Variants in PCBP2 observed in about 807,000 individuals in gnomAD.
PCBP2 encodes the protein poly(rC) binding protein 2.
PCBP2 carries 4 observed loss-of-function variants against 50.1 expected under a neutral mutation model. The observed-to-expected ratio is 0.08, with a 90% CI of 0.04 to 0.18. The LOEUF is 0.18. Ranked by LOEUF, PCBP2 falls within the 10% of genes least tolerant of loss-of-function variation. The pLI, the probability that PCBP2 is intolerant of heterozygous loss-of-function variation, is 1.00. For synonymous variants in PCBP2, 179 were observed against 168.0 expected (o/e 1.07, Z -0.51); for missense variants, 161 against 474.3 (o/e 0.34, Z 6.14).
At chr12:53,476,179 C>G (rs1006531115) in intron 14 of PCBP2, 2 of 152,292 alleles carry the variant, frequency 1.3e-5, no homozygotes, top group Non-Finnish European at 2.9e-5. Flanking sequence ...CTCTGTCAAC[C>G]AAGTTTCTTT....
chr12:53,465,777 C>T (rs1405812734), intron 9 of PCBP2, among the ~76,000 whole-genome samples, 155 bp from the exon 10 acceptor site: 1 of 152,148 alleles, frequency 6.6e-6, no homozygotes, highest in Non-Finnish European at 1.5e-5. Flanking sequence ...TGGGTCTGAC[C>T]ATATTTGTGA....
intron 13 of PCBP2, among the ~76,000 whole-genome samples, chr12:53,469,528 C>A (rs1016139133): frequency 1.3e-4 from 20 of 151,722 alleles, no homozygotes; most frequent in African/African-American, 4.8e-4. Context: ...CGAGACCAGC[C>A]TGACTACCAT....
chr12:53,467,717 G>T, intron 11 of PCBP2, 88 bp from the exon 12 acceptor site: 2 of 1,051,292 alleles, frequency 1.9e-6, no homozygotes, highest in Admixed American at 2.2e-5. Flanking sequence ...ATTTTGTTTC[G>T]TTTTTGGGGC....
At chr12:53,472,009 G>T (rs558976010) in intron 14 of PCBP2, among the ~76,000 whole-genome samples, 1 of 149,488 alleles carries the variant, frequency 6.7e-6, no homozygotes, top group Non-Finnish European at 1.5e-5. Flanking sequence ...GTTGGTGGGG[G>T]GGGGAGCACA....
intron 11 of PCBP2, 115 bp from the exon 12 acceptor site, chr12:53,467,690 T>C: frequency 3.5e-6 from 3 of 859,948 alleles, no homozygotes; most frequent in Non-Finnish European, 5.8e-6. Context: ...GTTTTTTTTG[T>C]TTTTGTTTTT....
intron 5 of PCBP2, among the ~76,000 whole-genome samples, chr12:53,458,348 T>G (rs572007012): frequency 6.7e-6 from 1 of 149,380 alleles, no homozygotes; most frequent in African/African-American, 2.5e-5. Context: ...TTCTGTTCCC[T>G]AGGCTGGAGT....
intron 10 of PCBP2, among the ~76,000 whole-genome samples, chr12:53,466,649 T>C (rs1224085167): frequency 6.6e-6 from 1 of 152,188 alleles, no homozygotes; most frequent in Non-Finnish European, 1.5e-5. Context: ...GAGAGGGAAG[T>C]AGACGTGAAG....
intron 14 of PCBP2, chr12:53,475,565 TA>T (rs1400548049): frequency 5.7e-6 from 1 of 175,304 alleles, no homozygotes; most frequent in Non-Finnish European, 1.2e-5. Flanking sequence ...TTTTTTTTTT[TA>T]AGAATTATTT....
At chr12:53,468,499 C>T in intron 12 of PCBP2, 1 of 474,150 alleles carries the variant, frequency 2.1e-6, no homozygotes, top group South Asian at 2.5e-5. Context: ...ATACCACACT[C>T]CCTTGCCCTT....
intron 6 of PCBP2, chr12:53,460,226 A>T (rs984069941): frequency 4.7e-6 from 1 of 211,486 alleles, no homozygotes; most frequent in Admixed American, 5.6e-5. Context: ...TGCAACCTCG[A>T]CTTCTGGGCT....
chr12:53,456,508 T>C (rs1238306239), intron 5 of PCBP2, among the ~76,000 whole-genome samples: 3 of 151,590 alleles, frequency 2.0e-5, no homozygotes, highest in Non-Finnish European at 4.4e-5. Flanking sequence ...AGTTTTGCCA[T>C]GGACTTAATA....
intron 13 of PCBP2, among the ~76,000 whole-genome samples, chr12:53,469,917 T>G (rs1942091630): frequency 6.6e-6 from 1 of 151,816 alleles, no homozygotes; most frequent in Middle Eastern, 3.4e-3. Flanking sequence ...GATTTTTGTA[T>G]TTTTTTTAAT....
At chr12:53,456,851 T>C (rs1210675191) in intron 5 of PCBP2, among the ~76,000 whole-genome samples, 4 of 152,150 alleles carry the variant, frequency 2.6e-5, no homozygotes, top group Non-Finnish European at 5.9e-5. Context: ...AGTTGGGCAA[T>C]TGATATCACA....
chr12:53,476,442 C>T (rs1298623175), intron 14 of PCBP2, among the ~76,000 whole-genome samples: 1 of 152,158 alleles, frequency 6.6e-6, no homozygotes, highest in African/African-American at 2.4e-5. Context: ...AAATCTTGTT[C>T]ATTTTCTTAT....
intron 12 of PCBP2, 184 bp from the exon 13 acceptor site, chr12:53,468,593 C>T (rs1009386389): frequency 1.7e-5 from 10 of 594,870 alleles, no homozygotes; most frequent in Non-Finnish European, 2.4e-5. Context: ...AAGAACCTTT[C>T]GAGCATTATT....
chr12:53,453,258 G>A (rs1353656989), intron 1 of PCBP2: 4 of 148,832 alleles, frequency 2.7e-5, no homozygotes, highest in Non-Finnish European at 4.4e-5. Context: ...TATTTGTAAA[G>A]GGCTTCCTAT....
At chr12:53,475,252 T>G in intron 14 of PCBP2, 1 of 427,344 alleles carries the variant, frequency 2.3e-6, no homozygotes, top group South Asian at 1.7e-5. Flanking sequence ...CAGTATTATT[T>G]TGTTCATTTT....
chr12:53,473,710 C>T (rs1234995468), intron 14 of PCBP2, among the ~76,000 whole-genome samples: 2 of 151,918 alleles, frequency 1.3e-5, no homozygotes, highest in African/African-American at 2.4e-5. Context: ...ATTATGCATG[C>T]ACAAAGCTTA....
chr12:53,474,347 C>T (rs1171748871), intron 14 of PCBP2, among the ~76,000 whole-genome samples: 4 of 152,190 alleles, frequency 2.6e-5, no homozygotes, highest in Non-Finnish European at 5.9e-5. Context: ...TCTTTCCACC[C>T]TGATACTGGT....
Sources: gnomAD v4.1 joint callset for allele counts (sites outside exome capture counted in the v4.1 genomes callset) on GRCh38, gnomAD v4.1.1 for gene constraint, MANE v1.5 for transcripts, NCBI Gene and HGNC (gene_info 2026-07-23, HGNC 2026-07-21) for gene names.